POLB: variants seen among roughly 807,000 people sequenced by gnomAD.
The protein encoded by POLB is DNA polymerase beta, also known as 5'-dRP lyase.
A neutral mutation model predicts 52.7 loss-of-function variants in POLB; 37 were observed. The observed-to-expected ratio is 0.70, with a 90% CI of 0.54 to 0.92. The LOEUF (loss-of-function observed/expected upper bound fraction) is 0.92, where lower values mean the gene tolerates loss of function less well. Among genes scored for constraint, POLB ranks in the 40% least tolerant of loss-of-function variants. POLB has a pLI of 0.00. For synonymous variants in POLB, 138 were observed against 131.3 expected, an observed-to-expected ratio of 1.05 and a Z score of -0.35; for missense variants, 313 against 400.8, an observed-to-expected ratio of 0.78 and a Z score of 1.87.
intron 2 of POLB, among the ~76,000 whole-genome samples, chr8:42,340,360 C>G (rs1486585610): frequency 6.6e-6 from 1 of 151,312 alleles, no homozygotes; most frequent in Non-Finnish European, 1.5e-5. Flanking sequence ...GTTTCATGCA[C>G]AAAATTATTA....
chr8:42,345,983 A>T (rs1411101956), intron 3 of POLB, among the ~76,000 whole-genome samples: 1 of 151,592 alleles, frequency 6.6e-6, no homozygotes, highest in Non-Finnish European at 1.5e-5. Flanking sequence ...GTGCAGTGGC[A>T]CGATCTTGGG....
At chr8:42,357,441 G>A in intron 9 of POLB, 49 bp downstream of exon 9, 2 of 971,850 alleles carry the variant, frequency 2.1e-6, no homozygotes, top group Non-Finnish European at 3.3e-6. Flanking sequence ...TGTTAAAATT[G>A]CCTAATATAT....
intron 13 of POLB, chr8:42,370,259 G>GTTTTTTTT (rs34271342): frequency 3.8e-5 from 11 of 290,562 alleles, no homozygotes; most frequent in South Asian, 9.6e-5. Context: ...ATCTAAAAGG[G>GTTTTTTTT]TTTTTTTTTT....
At chr8:42,357,245 T>G (rs777489093) in intron 8 of POLB, 22 bp downstream of exon 8, 1 of 1,509,058 alleles carries the variant, frequency 6.6e-7, no homozygotes, top group Non-Finnish European at 9.2e-7. Flanking sequence ...CAAATTATAT[T>G]CTTTGATTAG....
chr8:42,365,395 CT>C (rs1162538236), intron 11 of POLB, among the ~76,000 whole-genome samples: 2 of 152,162 alleles, frequency 1.3e-5, no homozygotes, highest in African/African-American at 4.8e-5. Flanking sequence ...AAAAATAGGG[CT>C]TGTGTATGCC....
Position 42,357,310 on chromosome 8 carries a change from C to A in POLB, c.478-10C>A. Reference sequence around the variant, plus strand: ...TTTTGGGAATACTGACTTAATTTTTCTTCTATTAGGATATTGTACTAAATG... The same window carrying A: ...TTTTGGGAATACTGACTTAATTTTTATTCTATTAGGATATTGTACTAAATG... On this transcript the variant is annotated splice_polypyrimidine_tract_variant and intron_variant, in intron 8 of 13. Transcript: ENST00000265421. 6.7e-7 allele frequency: 1 copy of A among 1,490,238 alleles called. No homozygotes were observed. The highest frequency in any genetic ancestry group is 1.1e-5 in the South Asian group (1 of 87,756). 92.3% of individuals were successfully genotyped at this position (1,490,238 alleles called of 1,614,324 possible). A position where few individuals can be genotyped will look rare whatever the true frequency, so the allele number is the denominator to read the frequency against.
Position 42,352,528 on chromosome 8 carries a change from T to G in POLB, c.330T>G (p.Ala110=), listed in dbSNP as rs985168287. ...GCTTTTGTTTTTGTAGTCCATCTGC[T>G]GCAAGGAAGTTTGTAGATGAAGGAA... ...LTRVSGIGPS[A]ARKFVDEGIK... is the part of the protein sequence containing the mutation. Residue 110 remains alanine, a synonymous_variant, in exon 6 of 14, where the codon GCT becomes GCG. Transcript: ENST00000265421. 5 of 1,601,730 alleles carry G rather than the reference T, an allele frequency of 3.1e-6. No individual in the cohort carries two copies. Among genetic ancestry groups the G allele is most frequent in the Non-Finnish European group, 8.6e-7 (1 of 1,168,748 alleles).
intron 2 of POLB, chr8:42,342,079 G>T: frequency 9.7e-7 from 1 of 1,028,274 alleles, no homozygotes; most frequent in Non-Finnish European, 1.5e-6. Context: ...ATTCTGCATT[G>T]AATTCCTTGC....
intron 5 of POLB, 119 bp downstream of exon 5, chr8:42,350,184 A>G (rs1585883802): frequency 2.7e-6 from 2 of 741,720 alleles, no homozygotes; most frequent in Admixed American, 3.8e-5. Flanking sequence ...CCTTAGCCAT[A>G]CAGTTCACCC....
intron 9 of POLB, among the ~76,000 whole-genome samples, chr8:42,360,615 G>A (rs1380301020): frequency 6.6e-6 from 1 of 152,122 alleles, no homozygotes; most frequent in Non-Finnish European, 1.5e-5. Flanking sequence ...CCATCTCAGT[G>A]GAGACAGAAT....
rs1294628187 is a variant in POLB at position 42,342,408 on chromosome 8, G to T, written c.120-2545G>T. On this transcript the variant is annotated intron_variant, in intron 2 of 13. Coordinates refer to ENST00000265421, the MANE Select transcript of POLB (RefSeq NM_002690.3). Reference sequence around the variant, plus strand: ...TTGGCAGTTCGTGTGCATATGCTGCGCAGACTATCATATCCCCCTCTATAC... The same window carrying T: ...TTGGCAGTTCGTGTGCATATGCTGCTCAGACTATCATATCCCCCTCTATAC... The T allele has an allele frequency of 2.1e-6, 3 of 1,439,968 alleles. No individual in the cohort carries two copies. In the South Asian group the frequency reaches 3.4e-5, roughly 16 times the overall value. 89.2% of individuals were successfully genotyped at this position (1,439,968 alleles called of 1,614,324 possible). A position where few individuals can be genotyped will look rare whatever the true frequency, so the allele number is the denominator to read the frequency against.
chr8:42,369,735 T>A (rs1251942377), intron 12 of POLB, 114 bp from the exon 13 acceptor site: 1 of 641,750 alleles, frequency 1.6e-6, no homozygotes, highest in Admixed American at 3.0e-5. Flanking sequence ...TTCAAATTAT[T>A]AGACCACTTA....
intron 11 of POLB, 198 bp from the exon 12 acceptor site, chr8:42,369,073 T>G: frequency 2.5e-6 from 1 of 400,008 alleles, no homozygotes; most frequent in Non-Finnish European, 4.5e-6. Flanking sequence ...TTTGCAGTTT[T>G]GTGTAGTTCT....
chr8:42,364,400 TG>T (rs1238764679), intron 11 of POLB, among the ~76,000 whole-genome samples: 1 of 152,106 alleles, frequency 6.6e-6, no homozygotes, highest in African/African-American at 2.4e-5. Flanking sequence ...GGCTAATTTT[TG>T]TATTTTTTGT....
intron 3 of POLB, among the ~76,000 whole-genome samples, chr8:42,347,171 G>A (rs1030360573): frequency 6.6e-6 from 1 of 151,926 alleles, no homozygotes; most frequent in African/African-American, 2.4e-5. Flanking sequence ...TTTTGCATAA[G>A]ACTGGTTGTA....
At chr8:42,357,461 T>C (rs1170914715) in intron 9 of POLB, 69 bp downstream of exon 9, 1 of 831,446 alleles carries the variant, frequency 1.2e-6, no homozygotes, top group Admixed American at 1.9e-5. Flanking sequence ...TGGGAAGAAT[T>C]TGGATTAAAA....
chr8:42,342,472 A>T (rs924433409), intron 2 of POLB: 2 of 1,122,654 alleles, frequency 1.8e-6, no homozygotes, highest in African/African-American at 3.0e-5. Flanking sequence ...TCTGTTTGTT[A>T]TATGAACTAT....
chr8:42,359,025 AT>A (rs1823505286), intron 9 of POLB, among the ~76,000 whole-genome samples: 2 of 152,096 alleles, frequency 1.3e-5, no homozygotes, highest in Admixed American at 6.5e-5. Flanking sequence ...TCCTGGATTT[AT>A]TTATTTCTAT....
At chr8:42,365,681 G>A (rs1053561181) in intron 11 of POLB, among the ~76,000 whole-genome samples, 1 of 152,178 alleles carries the variant, frequency 6.6e-6, no homozygotes, top group African/African-American at 2.4e-5. Context: ...TAATGACCAG[G>A]AAGGTAGTTC....
Sources: gnomAD v4.1 joint callset for allele counts (sites outside exome capture counted in the v4.1 genomes callset) on GRCh38, gnomAD v4.1.1 for gene constraint, MANE v1.5 for transcripts, NCBI Gene and HGNC (gene_info 2026-07-23, HGNC 2026-07-21) for gene names.